Variants in MTUS2 observed in about 807,000 individuals in gnomAD.
The protein encoded by MTUS2 is microtubule-associated tumor suppressor candidate 2.
Under a neutral mutation model 114.1 loss-of-function variants are expected in MTUS2, and 40 were observed. The ratio of observed to expected loss-of-function variants is 0.35; its 90% CI spans 0.27 to 0.46. The LOEUF (loss-of-function observed/expected upper bound fraction) is 0.46. Ranked by LOEUF, MTUS2 falls within the 20% of genes least tolerant of loss-of-function variation. MTUS2 has a pLI of 1.00. For missense variants in MTUS2, 1,679 were observed against 1,705.4 expected (o/e 0.98, Z 0.27); for synonymous variants, 688 against 672.0 (o/e 1.02, Z -0.37).
At chr13:29,230,708 C>T (rs1473215045) in intron 5 of MTUS2, among the ~76,000 whole-genome samples, 1 of 152,150 alleles carries the variant, frequency 6.6e-6, no homozygotes, top group Non-Finnish European at 1.5e-5. Flanking sequence ...AGAGTTAAGG[C>T]TTCAACTTCA....
intron 12 of MTUS2, 99 bp from the exon 13 acceptor site, chr13:29,497,139 C>A: frequency 2.0e-6 from 2 of 1,023,012 alleles, no homozygotes; most frequent in Non-Finnish European, 3.0e-6. Flanking sequence ...TCTGAGGATG[C>A]CCAGGGCACA....
chr13:29,015,160 AGGT>A (rs1254179420), intron 2 of MTUS2, among the ~76,000 whole-genome samples: 1 of 152,202 alleles, frequency 6.6e-6, no homozygotes, highest in Non-Finnish European at 1.5e-5. Context: ...ACTATAATTG[AGGT>A]GGTGGGAGTT....
intron 4 of MTUS2, among the ~76,000 whole-genome samples, chr13:29,057,226 C>T (rs368286269): frequency 6.6e-6 from 1 of 151,702 alleles, no homozygotes; most frequent in African/African-American, 2.4e-5. Flanking sequence ...ATTGTGTGGT[C>T]GATTTTAGAG....
intron 5 of MTUS2, among the ~76,000 whole-genome samples, chr13:29,176,750 G>T (rs2139140129): frequency 6.9e-6 from 1 of 145,126 alleles, no homozygotes; most frequent in South Asian, 2.1e-4. Flanking sequence ...TGAGAATTAG[G>T]TTTCAACATA....
At chr13:29,441,402 ATTG>A (rs1033404494) in intron 9 of MTUS2, among the ~76,000 whole-genome samples, 1 of 152,098 alleles carries the variant, frequency 6.6e-6, no homozygotes, top group African/African-American at 2.4e-5. Context: ...CCTCTTTGCC[ATTG>A]TTGTTGTTTT....
intron 2 of MTUS2, among the ~76,000 whole-genome samples, chr13:28,861,024 C>T (rs1876946090): frequency 6.6e-6 from 1 of 152,098 alleles, no homozygotes; most frequent in African/African-American, 2.4e-5. Context: ...AGCCAGCAGG[C>T]AGAGATGGTT....
chr13:29,460,699 G>A (rs1421719295), intron 9 of MTUS2, among the ~76,000 whole-genome samples: 5 of 152,142 alleles, frequency 3.3e-5, no homozygotes, highest in Non-Finnish European at 7.4e-5. Flanking sequence ...GTGAACGCAC[G>A]AAGGACTTGA....
At chr13:29,498,594 C>G in intron 14 of MTUS2, 57 bp downstream of exon 14, 1 of 1,603,156 alleles carries the variant, frequency 6.2e-7, no homozygotes, top group Non-Finnish European at 8.5e-7. Flanking sequence ...GCTGTCATCA[C>G]TGATGTCATC....
intron 8 of MTUS2, among the ~76,000 whole-genome samples, chr13:29,418,676 G>A (rs2138582697): frequency 6.6e-6 from 1 of 152,310 alleles, no homozygotes; most frequent in East Asian, 1.9e-4. Flanking sequence ...GCTGCATTTA[G>A]GTTTCCCAGT....
intron 4 of MTUS2, among the ~76,000 whole-genome samples, chr13:29,063,683 C>G (rs1029379006): frequency 1.3e-5 from 2 of 152,242 alleles, no homozygotes; most frequent in Middle Eastern, 3.4e-3. Flanking sequence ...AGCAGGTAAA[C>G]TTGATTGGAA....
intron 4 of MTUS2, among the ~76,000 whole-genome samples, chr13:29,085,698 A>G (rs995536116): frequency 2.0e-4 from 31 of 152,216 alleles, no homozygotes; most frequent in African/African-American, 7.2e-4. Context: ...TTCATTGGGC[A>G]CCTAGGTTGA....
At chr13:29,169,253 T>C (rs1038218446) in intron 5 of MTUS2, among the ~76,000 whole-genome samples, 3 of 152,180 alleles carry the variant, frequency 2.0e-5, no homozygotes, top group Admixed American at 2.0e-4. Flanking sequence ...AGGATGGAGC[T>C]CTCTATAGAC....
At chr13:29,073,974 A>G (rs1889064795) in intron 4 of MTUS2, among the ~76,000 whole-genome samples, 1 of 152,100 alleles carries the variant, frequency 6.6e-6, no homozygotes, top group South Asian at 2.1e-4. Context: ...GAATTCTGTA[A>G]CTTAATCCAT....
intron 11 of MTUS2, among the ~76,000 whole-genome samples, chr13:29,492,086 GA>G (rs1255147504): frequency 1.6e-4 from 23 of 147,548 alleles, no homozygotes; most frequent in African/African-American, 5.6e-4. Flanking sequence ...ATGTGTATGT[GA>G]ATGCGTGGTA....
intron 6 of MTUS2, among the ~76,000 whole-genome samples, chr13:29,315,329 C>T (rs4586276): frequency 0.16 from 23,941 of 152,054 alleles, 2,180 homozygotes; most frequent in South Asian, 0.33. Context: ...GGCATGGTCC[C>T]AACACAAAGA....
chr13:29,252,773 G>C (rs141301815), intron 5 of MTUS2, among the ~76,000 whole-genome samples: 34 of 152,192 alleles, frequency 2.2e-4, no homozygotes, highest in Non-Finnish European at 1.6e-4. Flanking sequence ...CACGAGATCT[G>C]ATGGTTTTAT....
intron 2 of MTUS2, among the ~76,000 whole-genome samples, chr13:29,016,947 C>T (rs948667197): frequency 1.3e-5 from 2 of 152,146 alleles, no homozygotes; most frequent in Non-Finnish European, 2.9e-5. Flanking sequence ...TGCAGAGCAT[C>T]AAGTGTTAGA....
chr13:29,012,155 G>A lies in MTUS2; in HGVS notation c.-242-12302G>A, dbSNP rs1035922327. Among the ~76,000 whole-genome samples, 8 of 152,138 alleles carry A rather than the reference G, an allele frequency of 5.3e-5. No homozygotes were observed. In the East Asian group the frequency reaches 5.8e-4, roughly 11 times the overall value. On this transcript the variant is annotated intron_variant, in intron 2 of 15. Coordinates refer to ENST00000612955, the MANE Select transcript of MTUS2 (RefSeq NM_001033602.4). ...TCCATCCATTCCGTGAGTCTAAGGC[G>A]TATGGAAGAGAGTCAAGGACGTGCA...
At chr13:29,009,655 G>A (rs1243955931) in intron 2 of MTUS2, among the ~76,000 whole-genome samples, 1 of 152,150 alleles carries the variant, frequency 6.6e-6, no homozygotes, top group African/African-American at 2.4e-5. Context: ...TGGTTTCTCT[G>A]TGTATATGTC....
Sources: gnomAD v4.1 joint callset for allele counts (sites outside exome capture counted in the v4.1 genomes callset) on GRCh38, gnomAD v4.1.1 for gene constraint, MANE v1.5 for transcripts, NCBI Gene and HGNC (gene_info 2026-07-23, HGNC 2026-07-21) for gene names.